The following DMTF1 variants were observed in gnomAD, a reference collection of about 807,000 sequenced individuals.
The protein encoded by DMTF1 is cyclin D binding myb like transcription factor 1.
In DMTF1, 39 loss-of-function variants were observed where a neutral mutation model predicts 91.1. The ratio of observed to expected loss-of-function variants is 0.43; its 90% CI spans 0.33 to 0.56. The LOEUF (loss-of-function observed/expected upper bound fraction) is 0.56. DMTF1 is among the 20% of genes least tolerant of loss of function. The probability of loss-of-function intolerance (pLI) is 0.05; values close to 1 mark genes in which losing one functional copy is unlikely to be tolerated. For synonymous variants in DMTF1, 338 were observed against 309.5 expected, an observed-to-expected ratio of 1.09 and a Z score of -0.97; for missense variants, 750 against 914.5, an observed-to-expected ratio of 0.82 and a Z score of 2.32.
chr7:87,194,267 G>GCAGT (rs1225935710), intron 16 of DMTF1, 165 bp downstream of exon 16: 2 of 706,504 alleles, frequency 2.8e-6, no homozygotes, highest in African/African-American at 3.6e-5. Context: ...TGATCCTGTG[G>GCAGT]CAGTCAGGAA....
At chr7:87,155,893 A>C (rs1790573596) in intron 1 of DMTF1, among the ~76,000 whole-genome samples, 1 of 152,182 alleles carries the variant, frequency 6.6e-6, no homozygotes, top group Non-Finnish European at 1.5e-5. Context: ...GATTATGTAC[A>C]CTGTTAGGTC....
chr7:87,155,696 T>G (rs1213400022), intron 1 of DMTF1: 1 of 152,146 alleles, frequency 6.6e-6, no homozygotes, highest in Non-Finnish European at 1.5e-5. Flanking sequence ...TAAAGGTAGA[T>G]AAGTTTAAAT....
intron 1 of DMTF1, among the ~76,000 whole-genome samples, chr7:87,158,940 CTG>C (rs140474723): frequency 0.013 from 2,044 of 152,182 alleles, 14 homozygotes; most frequent in Non-Finnish European, 0.017. Context: ...ATCTGGCTCA[CTG>C]TAAACTGCCT....
chr7:87,172,233 T>C (rs1043602796), intron 5 of DMTF1, among the ~76,000 whole-genome samples: 4 of 152,220 alleles, frequency 2.6e-5, no homozygotes, highest in Non-Finnish European at 5.9e-5. Context: ...TAGACACATA[T>C]AGTCTGTCTC....
intron 1 of DMTF1, among the ~76,000 whole-genome samples, chr7:87,158,405 A>G (rs1791355932): frequency 6.6e-6 from 1 of 152,088 alleles, no homozygotes; most frequent in Non-Finnish European, 1.5e-5. Flanking sequence ...CATCTAACAA[A>G]ATCTAAAATT....
intron 13 of DMTF1, among the ~76,000 whole-genome samples, chr7:87,190,339 T>C (rs956741524): frequency 6.6e-6 from 1 of 151,980 alleles, no homozygotes; most frequent in Non-Finnish European, 1.5e-5. Context: ...GTTTATAAAG[T>C]AAGTTATTTA....
intron 1 of DMTF1, among the ~76,000 whole-genome samples, chr7:87,157,178 T>C (rs1790967528): frequency 6.6e-6 from 1 of 152,176 alleles, no homozygotes; most frequent in South Asian, 2.1e-4. Context: ...TGCCAGAGAC[T>C]GTTTCTCAGC....
At chr7:87,187,931 T>C in intron 12 of DMTF1, 161 bp from the exon 13 acceptor site, 1 of 596,244 alleles carries the variant, frequency 1.7e-6, no homozygotes. Context: ...TCTCAGGATA[T>C]GTTGTTTTTT....
In DMTF1 at chr7:87,191,003, A is replaced by G; in HGVS notation, c.1470A>G (p.Thr490=). 3 of 1,607,852 alleles carry G rather than the reference A, an allele frequency of 1.9e-6. No homozygotes were observed. Among genetic ancestry groups the G allele is most frequent in the Non-Finnish European group, 2.6e-6 (3 of 1,176,340 alleles). The change falls in exon 14 of 18, where the codon ACA becomes ACG. Residue 490 remains threonine, a synonymous_variant. Transcript: ENST00000331242. The stretch of plus-strand genomic sequence containing the variant: ...AAACAATAACACTAAACAGTGGAAC[A>G]CTACAGACATTTGAGATTCTTCCCG... ...DSETITLNSG[T]LQTFEILPSF...
At position 87,186,031 on chromosome 7, in the gene DMTF1, C is replaced by T. The variant is rs756899764; in HGVS notation, c.1201+51C>T. On this transcript the variant is annotated intron_variant, in intron 12 of 17. Transcript: ENST00000331242. ...TCCTCCCCTTTTCTTACCATATTTA[C>T]TCCTTAGGAGTGAGAGGTTAGAAGT... 8 of 1,601,964 alleles carry T rather than the reference C, an allele frequency of 5.0e-6. No individual in the cohort carries two copies. In the East Asian group the frequency reaches 1.8e-4, roughly 36 times the overall value.
At position 87,177,180 on chromosome 7, in the gene DMTF1, T is replaced by C. The variant is rs146795507; in HGVS notation, c.520-2365T>C. Among the ~76,000 whole-genome samples the C allele has an allele frequency of 6.1e-3, 928 of 152,300 alleles. 11 individuals are homozygous for C. Among genetic ancestry groups the C allele is most frequent in the Non-Finnish European group, 4.7e-3 (318 of 67,996 alleles). ...TTGAAATTTATATAAATAGATTCAT[T>C]CTCTGGATATTCTGTAACTCAGTAT... On this transcript the variant is annotated intron_variant, in intron 7 of 17. Transcript: ENST00000331242.
At chr7:87,174,541 A>G in intron 6 of DMTF1, 52 bp from the exon 7 acceptor site, 1 of 1,220,922 alleles carries the variant, frequency 8.2e-7, no homozygotes, top group Non-Finnish European at 1.2e-6. Context: ...TTGGTGTTTT[A>G]TTTCTTTCAA....
At chr7:87,179,375 T>C (rs1035843276) in intron 7 of DMTF1, among the ~76,000 whole-genome samples, 170 bp from the exon 8 acceptor site, 1 of 152,188 alleles carries the variant, frequency 6.6e-6, no homozygotes, top group Non-Finnish European at 1.5e-5. Flanking sequence ...CACTTTTGTA[T>C]CTCTTGCATC....
At chr7:87,173,753 G>C (rs1406444603) in intron 6 of DMTF1, 104 bp downstream of exon 6, 4 of 537,128 alleles carry the variant, frequency 7.4e-6, no homozygotes, top group South Asian at 7.9e-5. Flanking sequence ...CTGGGATTGA[G>C]CAGTTAGAGT....
At chr7:87,177,670 C>T (rs1796526321) in intron 7 of DMTF1, among the ~76,000 whole-genome samples, 1 of 152,078 alleles carries the variant, frequency 6.6e-6, no homozygotes, top group Admixed American at 6.5e-5. Context: ...AGAAATCATT[C>T]CCCGCCTCAA....
intron 1 of DMTF1, among the ~76,000 whole-genome samples, chr7:87,161,187 G>A (rs1002367271): frequency 2.0e-5 from 3 of 152,032 alleles, no homozygotes; most frequent in African/African-American, 4.8e-5. Context: ...GGGAAAAAAG[G>A]TGAGTCAAGA....
intron 3 of DMTF1, among the ~76,000 whole-genome samples, chr7:87,166,150 A>G (rs1793776601): frequency 6.6e-6 from 1 of 152,186 alleles, no homozygotes; most frequent in Middle Eastern, 3.2e-3. Context: ...AGATCACACT[A>G]TCTTTATTTT....
At chr7:87,170,559 A>G (rs1794834943) in intron 4 of DMTF1, among the ~76,000 whole-genome samples, 1 of 152,236 alleles carries the variant, frequency 6.6e-6, no homozygotes, top group East Asian at 1.9e-4. Context: ...CTTCCTTGAG[A>G]TACCTGTAAA....
At position 87,179,657 on chromosome 7, in the gene DMTF1, A is replaced by T; in HGVS notation, c.632A>T (p.Tyr211Phe). The change falls in exon 8 of 18, where the codon TAT becomes TTT. Residue 211 changes from tyrosine to phenylalanine, a missense_variant. By Grantham distance (22) the Tyr-to-Phe change is conservative. Transcript: ENST00000331242. Reference sequence around the variant, plus strand: ...CTGAACCGGCCTTTGTTTGCAGTTTATAGAAGAGTGCTTCGCATGTATGAT... The same window carrying T: ...CTGAACCGGCCTTTGTTTGCAGTTTTTAGAAGAGTGCTTCGCATGTATGAT... ...WGLNRPLFAV[Y>F]RRVLRMYDDR... The T allele has an allele frequency of 2.5e-6, 4 of 1,585,478 alleles. No individual in the cohort carries two copies. The highest frequency in any genetic ancestry group is 3.4e-6 in the Non-Finnish European group (4 of 1,169,978).
Sources: gnomAD v4.1 joint callset for allele counts (sites outside exome capture counted in the v4.1 genomes callset) on GRCh38, gnomAD v4.1.1 for gene constraint, MANE v1.5 for transcripts, NCBI Gene and HGNC (gene_info 2026-07-23, HGNC 2026-07-21) for gene names.